CDON: variants seen among roughly 807,000 people sequenced by gnomAD.
CDON encodes cell adhesion molecule-related/down-regulated by oncogenes.
Under a neutral mutation model 120.9 loss-of-function variants are expected in CDON, and 73 were observed. The ratio of observed to expected loss-of-function variants is 0.60; its 90% CI spans 0.50 to 0.73. The LOEUF (loss-of-function observed/expected upper bound fraction) is 0.73. CDON is among the 30% of genes least tolerant of loss of function. CDON has a pLI of 0.00. For synonymous variants in CDON, 566 were observed against 573.5 expected, an observed-to-expected ratio of 0.99 and a Z score of 0.19; for missense variants, 1,470 against 1,587.3, an observed-to-expected ratio of 0.93 and a Z score of 1.26.
intron 18 of CDON, among the ~76,000 whole-genome samples, chr11:125,967,954 T>A (rs1945851767): frequency 1.3e-5 from 2 of 152,210 alleles, no homozygotes; most frequent in South Asian, 4.1e-4. Flanking sequence ...ACTCCTAGGC[T>A]CAGGCAATCT....
At chr11:126,015,957 T>C (rs1308957068) in intron 6 of CDON, among the ~76,000 whole-genome samples, 1 of 152,224 alleles carries the variant, frequency 6.6e-6, no homozygotes, top group Non-Finnish European at 1.5e-5. Context: ...AGATGTATAA[T>C]GGTGAAAATA....
At chr11:125,982,460 T>G (rs145416598) in intron 16 of CDON, among the ~76,000 whole-genome samples, 58 of 152,320 alleles carry the variant, frequency 3.8e-4, no homozygotes, top group Non-Finnish European at 7.3e-4. Flanking sequence ...AAGGCTGGAT[T>G]AGGTGTCCCT....
Position 125,983,809 on chromosome 11 carries a change from T to C in CDON, c.2995+63A>G. 5.2e-6 allele frequency: 6 copies of C among 1,149,582 alleles called. No individual in the cohort carries two copies. In the South Asian group the frequency reaches 7.7e-5, roughly 15 times the overall value. 71.2% of individuals were successfully genotyped at this position (1,149,582 alleles called of 1,614,324 possible). ...CAACAGTGTTAGAAATCAATATTTA[T>C]TCTGACAATATTTGTCTACCCACCT... On this transcript the variant is annotated intron_variant, in intron 16 of 19. Transcript: ENST00000531738.
At chr11:126,020,442 G>A (rs184664515) in intron 3 of CDON, among the ~76,000 whole-genome samples, 1 of 152,170 alleles carries the variant, frequency 6.6e-6, no homozygotes, top group Non-Finnish European at 1.5e-5. Context: ...GCCTGCAGGG[G>A]ACTCTTTATT....
chr11:126,050,861 T>G (rs1948541734), intron 1 of CDON, among the ~76,000 whole-genome samples: 1 of 152,122 alleles, frequency 6.6e-6, no homozygotes, highest in Non-Finnish European at 1.5e-5. Flanking sequence ...AAAGCAATAC[T>G]TCACTCCTCT....
At chr11:125,968,803 A>G (rs563578263) in intron 18 of CDON, among the ~76,000 whole-genome samples, 4 of 152,198 alleles carry the variant, frequency 2.6e-5, no homozygotes, top group African/African-American at 9.7e-5. Flanking sequence ...ATCATCAGTA[A>G]TTAACCAATT....
intron 18 of CDON, among the ~76,000 whole-genome samples, chr11:125,968,910 C>T (rs1945881316): frequency 6.6e-6 from 1 of 152,180 alleles, no homozygotes; most frequent in South Asian, 2.1e-4. Flanking sequence ...TTAGGGGTTA[C>T]ATGTTGAGAT....
intron 1 of CDON, among the ~76,000 whole-genome samples, chr11:126,059,825 A>G (rs1016856754): frequency 1.3e-5 from 2 of 152,080 alleles, no homozygotes; most frequent in African/African-American, 4.8e-5. Flanking sequence ...CACATTAATA[A>G]TATCACCTCA....
At chr11:125,984,908 C>CA (rs1389770480) in intron 15 of CDON, among the ~76,000 whole-genome samples, 1 of 152,082 alleles carries the variant, frequency 6.6e-6, no homozygotes, top group East Asian at 1.9e-4. Context: ...ATTCCAAAAA[C>CA]AAAGACTTTG....
chr11:125,980,935 T>C (rs1946276572), intron 17 of CDON, 114 bp downstream of exon 17: 3 of 1,050,124 alleles, frequency 2.9e-6, no homozygotes. Flanking sequence ...GCTGTTTCCA[T>C]TCGAGGAAAC....
chr11:126,014,681 T>C (rs1283260371), intron 7 of CDON: 2 of 152,854 alleles, frequency 1.3e-5, no homozygotes, highest in Admixed American at 6.5e-5. Flanking sequence ...ACTAGTCAAA[T>C]TGTTACAACT....
At chr11:125,977,914 C>T (rs1380750492) in intron 18 of CDON, among the ~76,000 whole-genome samples, 1 of 151,862 alleles carries the variant, frequency 6.6e-6, no homozygotes, top group Non-Finnish European at 1.5e-5. Flanking sequence ...AGAGGGTTCC[C>T]CCCTCCCCCC....
Position 125,959,719 on chromosome 11 carries a change from G to C in CDON, c.*1223C>G, listed in dbSNP as rs1404058207. ...CTATGCTGGAGATGGGGGATGACTA[G>C]TTTCGGCGTCATGGCACCATAAGCG... On this transcript the variant is annotated 3_prime_UTR_variant, in exon 20 of 20. Coordinates refer to ENST00000531738, the MANE Select transcript of CDON (RefSeq NM_001378964.1). The C allele has an allele frequency of 6.6e-6, 1 of 152,170 alleles. No homozygotes were observed. Among genetic ancestry groups the C allele is most frequent in the Non-Finnish European group, 1.5e-5 (1 of 68,026 alleles). The allele number at this position is 152,170 out of a possible 1,614,324, so 9.4% of individuals were successfully genotyped here.
At chr11:126,015,692 T>C (rs939236180) in intron 6 of CDON, among the ~76,000 whole-genome samples, 182 bp from the exon 7 acceptor site, 1 of 152,188 alleles carries the variant, frequency 6.6e-6, no homozygotes, top group African/African-American at 2.4e-5. Flanking sequence ...ACTAATAGGA[T>C]AAACCATATG....
At position 126,034,695 on chromosome 11, in the gene CDON, C is replaced by T. The variant is rs1362522716; in HGVS notation, c.-61-11158G>A. 6.6e-6 allele frequency among the ~76,000 whole-genome samples: 1 copy of T among 152,126 alleles called. No individual in the cohort carries two copies. The highest frequency in any genetic ancestry group is 1.5e-5 in the Non-Finnish European group (1 of 68,024). ...AAATATTTAAAAGCATAGCTGCATA[C>T]AAATGGTGAAATTCTAAAAAGCAGC... is the stretch of plus-strand genomic sequence containing the variant. On this transcript the variant is annotated intron_variant, in intron 1 of 19. Transcript: ENST00000531738. The surrounding 1 kb of genome is among the most constrained non-coding windows in gnomAD (Gnocchi z 4.5).
chr11:126,051,407 T>C (rs761840241), intron 1 of CDON, among the ~76,000 whole-genome samples: 5 of 152,200 alleles, frequency 3.3e-5, no homozygotes, highest in Non-Finnish European at 5.9e-5. Flanking sequence ...TGCATTAGCC[T>C]GGATTTACCA....
At chr11:126,055,479 A>G (rs978488269) in intron 1 of CDON, among the ~76,000 whole-genome samples, 4 of 152,246 alleles carry the variant, frequency 2.6e-5, no homozygotes, top group African/African-American at 9.6e-5. Flanking sequence ...TGATTAACAT[A>G]AAGTACTATA....
chr11:126,024,128 G>A (rs1377137816), intron 1 of CDON, among the ~76,000 whole-genome samples: 7 of 152,198 alleles, frequency 4.6e-5, no homozygotes, highest in African/African-American at 1.7e-4. Context: ...GTGACAGTGG[G>A]ATAAGCCAAG....
At chr11:126,012,251 G>C (rs527912567) in intron 7 of CDON, among the ~76,000 whole-genome samples, 2 of 152,198 alleles carry the variant, frequency 1.3e-5, no homozygotes, top group East Asian at 3.9e-4. Context: ...AAAATTTTTA[G>C]ACCAGATAAC....
Sources: gnomAD v4.1 joint callset for allele counts (sites outside exome capture counted in the v4.1 genomes callset) on GRCh38, gnomAD v4.1.1 for gene constraint, Gnocchi (gnomAD v3.1) non-coding constraint, MANE v1.5 for transcripts, NCBI Gene and HGNC (gene_info 2026-07-23, HGNC 2026-07-21) for gene names.